The following ADGRV1 variants were observed in gnomAD, a reference collection of about 807,000 sequenced individuals.
ADGRV1 encodes the protein G-protein coupled receptor 98.
In ADGRV1, 359 loss-of-function variants were observed where a neutral mutation model predicts 596.2. That is an observed-to-expected ratio of 0.60 (90% CI 0.55 to 0.66). The LOEUF (loss-of-function observed/expected upper bound fraction) is 0.66. ADGRV1 is among the 30% of genes least tolerant of loss of function. The pLI, the probability that ADGRV1 is intolerant of heterozygous loss-of-function variation, is 0.00. For synonymous variants in ADGRV1, 2,681 were observed against 2,679.2 expected, an observed-to-expected ratio of 1.00 and a Z score of -0.02; for missense variants, 7,274 against 7,575.6, an observed-to-expected ratio of 0.96 and a Z score of 1.48.
intron 87 of ADGRV1, among the ~76,000 whole-genome samples, chr5:91,129,203 A>C (rs1794008234): frequency 6.6e-6 from 1 of 152,232 alleles, no homozygotes; most frequent in African/African-American, 2.4e-5. Flanking sequence ...TTCTTCTCTA[A>C]CACATATGAT....
intron 39 of ADGRV1, among the ~76,000 whole-genome samples, chr5:90,710,693 A>G (rs1313856508): frequency 6.6e-6 from 1 of 152,108 alleles, no homozygotes; most frequent in South Asian, 2.1e-4. Context: ...ATATGTTTTA[A>G]CTAATTAAAA....
intron 50 of ADGRV1, among the ~76,000 whole-genome samples, chr5:90,743,025 A>C (rs1227230913): frequency 6.6e-6 from 1 of 152,196 alleles, no homozygotes; most frequent in African/African-American, 2.4e-5. Context: ...ACTACTGATT[A>C]TAGAGTTTAG....
chr5:90,914,159 G>A (rs1214370705), intron 83 of ADGRV1, among the ~76,000 whole-genome samples: 11 of 152,088 alleles, frequency 7.2e-5, no homozygotes, highest in Non-Finnish European at 1.5e-4. Context: ...TACTTGCATT[G>A]TACTTATCAG....
chr5:90,563,349 A>C (rs1463691339), intron 1 of ADGRV1, among the ~76,000 whole-genome samples: 4 of 152,224 alleles, frequency 2.6e-5, no homozygotes. Flanking sequence ...AATCCTTTCC[A>C]AGTAGCCTTC....
intron 75 of ADGRV1, among the ~76,000 whole-genome samples, chr5:90,823,206 A>T (rs953161189): frequency 1.3e-5 from 2 of 152,208 alleles, no homozygotes; most frequent in African/African-American, 4.8e-5. Context: ...AGTGTATTCA[A>T]AGAAAACCAC....
intron 83 of ADGRV1, among the ~76,000 whole-genome samples, chr5:90,956,525 T>A (rs1399742608): frequency 6.6e-6 from 1 of 152,220 alleles, no homozygotes; most frequent in Non-Finnish European, 1.5e-5. Flanking sequence ...TCGTAAACTG[T>A]CATTACAGAA....
chr5:91,122,557 T>A (rs1474560488), intron 87 of ADGRV1, among the ~76,000 whole-genome samples: 1 of 152,148 alleles, frequency 6.6e-6, no homozygotes, highest in Non-Finnish European at 1.5e-5. Context: ...TTTGGGAAAA[T>A]TATTTTGGGG....
intron 22 of ADGRV1, among the ~76,000 whole-genome samples, chr5:90,673,600 G>A (rs1772803160): frequency 6.6e-6 from 1 of 152,052 alleles, no homozygotes; most frequent in African/African-American, 2.4e-5. Context: ...TGTGTCTGGT[G>A]AGGGCTTACT....
intron 85 of ADGRV1, among the ~76,000 whole-genome samples, chr5:91,010,323 C>T (rs532719452): frequency 6.6e-6 from 1 of 152,140 alleles, no homozygotes; most frequent in East Asian, 1.9e-4. Flanking sequence ...ATCTATCCAT[C>T]TTCTAAAAGA....
intron 15 of ADGRV1, among the ~76,000 whole-genome samples, chr5:90,645,630 C>G (rs1580574711): frequency 6.6e-6 from 1 of 152,132 alleles, no homozygotes; most frequent in East Asian, 1.9e-4. Flanking sequence ...TTTTATGTTT[C>G]ATCTTAAAAA....
intron 10 of ADGRV1, 106 bp downstream of exon 10, chr5:90,635,396 T>G: frequency 1.0e-6 from 1 of 1,004,046 alleles, no homozygotes; most frequent in South Asian, 2.1e-5. Context: ...TTAAAAAGCT[T>G]CAGCATGTAC....
chr5:90,794,973 C>T (rs190181440), intron 70 of ADGRV1, among the ~76,000 whole-genome samples: 17 of 152,082 alleles, frequency 1.1e-4, no homozygotes, highest in Middle Eastern at 6.8e-3. Context: ...TCCCCATAGT[C>T]ATCACAACCT....
At chr5:90,611,802 T>TA (rs1263053364) in intron 1 of ADGRV1, among the ~76,000 whole-genome samples, 1 of 151,858 alleles carries the variant, frequency 6.6e-6, no homozygotes, top group Non-Finnish European at 1.5e-5. Flanking sequence ...GAGTTTAATT[T>TA]AAAAAAAGGG....
chr5:90,618,994 ATAAC>A (rs776657073), intron 3 of ADGRV1, 88 bp from the exon 4 acceptor site: 9 of 559,986 alleles, frequency 1.6e-5, no homozygotes, highest in African/African-American at 5.9e-5. Flanking sequence ...TATATTCTGA[ATAAC>A]TACTTGAAGA....
intron 74 of ADGRV1, 72 bp downstream of exon 74, chr5:90,811,410 T>G: frequency 7.5e-7 from 1 of 1,332,994 alleles, no homozygotes; most frequent in Non-Finnish European, 1.0e-6. Context: ...TGAATCTAGC[T>G]TAAATTTAAT....
chr5:90,823,882 T>G (rs1159210754), intron 76 of ADGRV1, among the ~76,000 whole-genome samples: 1 of 152,204 alleles, frequency 6.6e-6, no homozygotes, highest in Non-Finnish European at 1.5e-5. Flanking sequence ...CTTGGTACAA[T>G]TCTTTCCTTT....
chr5:90,787,890 T>C (rs1759642453), intron 67 of ADGRV1, among the ~76,000 whole-genome samples, 181 bp from the exon 68 acceptor site: 1 of 152,014 alleles, frequency 6.6e-6, no homozygotes, highest in Non-Finnish European at 1.5e-5. Context: ...CACACCCAGC[T>C]GCAAATATCA....
At chr5:90,704,897 G>A (rs899697429) in intron 36 of ADGRV1, among the ~76,000 whole-genome samples, 3 of 151,746 alleles carry the variant, frequency 2.0e-5, no homozygotes, top group African/African-American at 4.8e-5. Context: ...TGCAGCCGCC[G>A]CCTCCCGGGT....
intron 4 of ADGRV1, among the ~76,000 whole-genome samples, chr5:90,621,112 T>C (rs963105878): frequency 3.9e-5 from 6 of 152,180 alleles, no homozygotes; most frequent in Non-Finnish European, 7.3e-5. Flanking sequence ...TAAAACCAAG[T>C]TTATCTCCAA....
Sources: allele counts gnomAD v4.1 joint callset (sites outside exome capture counted in the v4.1 genomes callset), GRCh38; gene constraint gnomAD v4.1.1; transcripts MANE v1.5; gene names NCBI Gene and HGNC (gene_info 2026-07-23, HGNC 2026-07-21).